Variants in ARIH2 observed in about 807,000 individuals in gnomAD.
ARIH2 encodes ariadne RBR E3 ubiquitin protein ligase 2.
A neutral mutation model predicts 79.8 loss-of-function variants in ARIH2; 12 were observed. The ratio of observed to expected loss-of-function variants is 0.15; its 90% CI spans 0.10 to 0.24. The LOEUF (loss-of-function observed/expected upper bound fraction) is 0.24. Ranked by LOEUF, ARIH2 falls within the 10% of genes least tolerant of loss-of-function variation. ARIH2 has a pLI of 1.00. For synonymous variants in ARIH2, 224 were observed against 213.9 expected (o/e 1.05, Z -0.41); for missense variants, 301 against 618.3 (o/e 0.49, Z 5.44).
chr3:48,962,588 G>A (rs2091388141), intron 4 of ARIH2, among the ~76,000 whole-genome samples: 1 of 152,144 alleles, frequency 6.6e-6, no homozygotes, highest in African/African-American at 2.4e-5. Context: ...TCGGAGGCGT[G>A]TGCCCCTGTC....
intron 3 of ARIH2, among the ~76,000 whole-genome samples, chr3:48,929,540 A>T (rs2086103190): frequency 6.6e-6 from 1 of 152,166 alleles, no homozygotes; most frequent in Admixed American, 6.5e-5. Context: ...CCTAGAGCAC[A>T]GTGGCCATGC....
At chr3:48,919,090 G>T in intron 1 of ARIH2, 92 bp downstream of exon 1, 1 of 1,272,232 alleles carries the variant, frequency 7.9e-7, no homozygotes, top group Non-Finnish European at 9.9e-7. Context: ...CCGGGACTCC[G>T]CCTTCGCCGT....
intron 3 of ARIH2, among the ~76,000 whole-genome samples, chr3:48,937,670 T>A (rs1249783699): frequency 6.6e-6 from 1 of 152,174 alleles, no homozygotes; most frequent in African/African-American, 2.4e-5. Context: ...TCCAAACCTC[T>A]ACTTCTGTGT....
intron 3 of ARIH2, among the ~76,000 whole-genome samples, chr3:48,928,628 G>A (rs2085954649): frequency 6.6e-6 from 1 of 152,144 alleles, no homozygotes; most frequent in Non-Finnish European, 1.5e-5. Context: ...GGGCACCTTG[G>A]CATGATGTCA....
chr3:48,947,075 TGG>T (rs10541099), intron 3 of ARIH2, among the ~76,000 whole-genome samples: 102,362 of 151,638 alleles, frequency 0.68, 35,071 homozygotes, highest in East Asian at 0.96. Flanking sequence ...AAAGTGATGT[TGG>T]TAAGGAGCTG....
intron 8 of ARIH2, 175 bp downstream of exon 8, chr3:48,970,879 T>G: frequency 1.8e-6 from 1 of 546,256 alleles, no homozygotes; most frequent in Non-Finnish European, 3.3e-6. Flanking sequence ...CCACTAGGTC[T>G]TCAATACATG....
At chr3:48,966,921 C>T (rs1249614423) in intron 5 of ARIH2, among the ~76,000 whole-genome samples, 1 of 152,134 alleles carries the variant, frequency 6.6e-6, no homozygotes, top group Admixed American at 6.6e-5. Flanking sequence ...CAAGCCCAGC[C>T]CAGCTGCCAC....
chr3:48,953,007 G>A (rs2090145223), intron 3 of ARIH2, among the ~76,000 whole-genome samples: 1 of 151,864 alleles, frequency 6.6e-6, no homozygotes. Context: ...TTGGCTCACT[G>A]CAACCTCTGC....
At chr3:48,942,254 T>C (rs1336027717) in intron 3 of ARIH2, among the ~76,000 whole-genome samples, 1 of 152,130 alleles carries the variant, frequency 6.6e-6, no homozygotes, top group Non-Finnish European at 1.5e-5. Context: ...TTTCACCATG[T>C]TGGCCAGGCT....
intron 2 of ARIH2, among the ~76,000 whole-genome samples, chr3:48,923,227 A>C (rs1312493040): frequency 6.6e-6 from 1 of 151,566 alleles, no homozygotes; most frequent in Non-Finnish European, 1.5e-5. Flanking sequence ...AAGAAACCTT[A>C]TCTCTATTAA....
At chr3:48,978,305 G>T (rs1009071132) in intron 11 of ARIH2, among the ~76,000 whole-genome samples, 3 of 149,946 alleles carry the variant, frequency 2.0e-5, no homozygotes. Flanking sequence ...ACCTAGGCTG[G>T]AGTGCAGTGG....
chr3:48,932,164 G>A (rs1248849302), intron 3 of ARIH2, among the ~76,000 whole-genome samples: 1 of 152,164 alleles, frequency 6.6e-6, no homozygotes, highest in Non-Finnish European at 1.5e-5. Context: ...ATCAGATCAA[G>A]GGCTCAAGAT....
chr3:48,967,502 G>A (rs899035201), intron 6 of ARIH2, among the ~76,000 whole-genome samples: 1 of 152,208 alleles, frequency 6.6e-6, no homozygotes, highest in African/African-American at 2.4e-5. Flanking sequence ...TGGCGTGAGT[G>A]CAGAGCTACC....
chr3:48,983,557 G>C lies in ARIH2; in HGVS notation c.*287G>C. ...AGTGTTTTCTGAATGGCTATTAATAGTATTAGATCATTACAACTTATGTAA... is the reference window on the plus strand; with the variant it reads ...AGTGTTTTCTGAATGGCTATTAATACTATTAGATCATTACAACTTATGTAA... On this transcript the variant is annotated 3_prime_UTR_variant, in exon 16 of 16. Coordinates refer to ENST00000356401, the MANE Select transcript of ARIH2 (RefSeq NM_006321.4). 2.9e-6 allele frequency: 1 copy of C among 342,606 alleles called. No homozygotes were observed. The highest frequency in any genetic ancestry group is 5.7e-5 in the East Asian group (1 of 17,686). The allele number at this position is 342,606 out of a possible 1,614,324, so 21.2% of individuals were successfully genotyped here. A position where few individuals can be genotyped will look rare whatever the true frequency, so the allele number is the denominator to read the frequency against.
intron 8 of ARIH2, among the ~76,000 whole-genome samples, chr3:48,971,226 A>G (rs1056904831): frequency 2.0e-5 from 3 of 152,176 alleles, no homozygotes; most frequent in Admixed American, 1.3e-4. Flanking sequence ...ACAACTGTAT[A>G]TGACCCTTAT....
At chr3:48,981,016 CAAAAAAA>C (rs34533467) in intron 13 of ARIH2, among the ~76,000 whole-genome samples, 9 of 30,140 alleles carry the variant, frequency 3.0e-4, no homozygotes, top group South Asian at 4.8e-3. Flanking sequence ...GCAAGACTGT[CAAAAAAA>C]AAAAAAAAAA....
chr3:48,969,711 A>T (rs1299745834), intron 7 of ARIH2, among the ~76,000 whole-genome samples: 3 of 151,718 alleles, frequency 2.0e-5, no homozygotes, highest in Non-Finnish European at 4.4e-5. Context: ...CTGGTCTCGA[A>T]CTTCTGAGCT....
Position 48,967,258 on chromosome 3 carries a change from A to T in ARIH2, c.521A>T (p.Lys174Met). The part of the protein sequence containing the change: ...CWEQHCSVLV[K>M]DGVGVGVSCM... ...GAGCAGCACTGCTCAGTTCTCGTCA[A>T]GGACGGCGTGGGCGTGGGTGAGTCT... The change falls in exon 6 of 16, where the codon AAG becomes ATG. Residue 174 changes from lysine to methionine, a missense_variant. By Grantham distance (95) the Lys-to-Met change is moderately conservative (BLOSUM62 -1). This residue lies in a region of ARIH2 where 223 missense variants were observed against 349.4 expected (regional missense o/e 0.64). Transcript: ENST00000356401. 6.2e-7 allele frequency: 1 copy of T among 1,614,132 alleles called. No individual in the cohort carries two copies. Among genetic ancestry groups the T allele is most frequent in the Non-Finnish European group, 8.5e-7 (1 of 1,179,980 alleles).
chr3:48,963,569 G>A (rs1234083203), intron 4 of ARIH2, among the ~76,000 whole-genome samples: 1 of 152,140 alleles, frequency 6.6e-6, no homozygotes, highest in African/African-American at 2.4e-5. Flanking sequence ...GAAAATTATT[G>A]TAGGTAACTC....
Sources: gnomAD v4.1 joint callset for allele counts (sites outside exome capture counted in the v4.1 genomes callset) on GRCh38, gnomAD v4.1.1 for gene constraint, gnomAD v4.1.1 regional missense constraint, MANE v1.5 for transcripts, NCBI Gene and HGNC (gene_info 2026-07-23, HGNC 2026-07-21) for gene names.